Variants in TRIO observed in about 807,000 individuals in gnomAD.
TRIO encodes triple functional domain protein.
A neutral mutation model predicts 351.9 loss-of-function variants in TRIO; 58 were observed. The observed-to-expected ratio is 0.16, with a 90% CI of 0.13 to 0.21. The LOEUF (loss-of-function observed/expected upper bound fraction) is 0.21, where lower values mean the gene tolerates loss of function less well. TRIO is among the 10% of genes least tolerant of loss of function. The pLI, the probability that TRIO is intolerant of heterozygous loss-of-function variation, is 1.00. For synonymous variants in TRIO, 1,758 were observed against 1,595.7 expected (o/e 1.10, Z -2.42); for missense variants, 3,201 against 4,027.8 (o/e 0.79, Z 5.56).
chr5:14,406,052 G>A, intron 32 of TRIO, 62 bp downstream of exon 32: 1 of 1,561,684 alleles, frequency 6.4e-7, no homozygotes, highest in Non-Finnish European at 8.7e-7. Flanking sequence ...GGCGGTGTTA[G>A]CTCACCCTGC....
chr5:14,244,543 T>C (rs985236717), intron 1 of TRIO, among the ~76,000 whole-genome samples: 4 of 152,222 alleles, frequency 2.6e-5, no homozygotes, highest in African/African-American at 7.2e-5. Flanking sequence ...GTAGAATTGT[T>C]ATCTGTATGG....
chr5:14,168,916 G>A (rs1788936052), intron 1 of TRIO, among the ~76,000 whole-genome samples: 1 of 152,234 alleles, frequency 6.6e-6, no homozygotes. Context: ...GCGGCAGACC[G>A]TAGTCTTTGT....
At chr5:14,354,634 C>T (rs535002718) in intron 11 of TRIO, among the ~76,000 whole-genome samples, 105 of 152,364 alleles carry the variant, frequency 6.9e-4, no homozygotes, top group African/African-American at 2.5e-3. Flanking sequence ...TTTCTGAGGA[C>T]CTTTTTCAGA....
At chr5:14,208,928 TTTGTAAAACTGGATTGTGATG>T (rs1312103639) in intron 1 of TRIO, among the ~76,000 whole-genome samples, 2 of 152,380 alleles carry the variant, frequency 1.3e-5, no homozygotes, top group East Asian at 1.9e-4. Context: ...ATAAAGTTTG[TTTGTAAAACTGGATTGTGATG>T]TTGTAAAACT....
chr5:14,417,431 A>G (rs1352746202), intron 33 of TRIO, among the ~76,000 whole-genome samples: 5 of 152,248 alleles, frequency 3.3e-5, no homozygotes, highest in Non-Finnish European at 7.3e-5. Flanking sequence ...TCAACAGCAC[A>G]CAGCATGGCA....
At chr5:14,349,084 C>T (rs530615764) in intron 11 of TRIO, among the ~76,000 whole-genome samples, 2 of 145,190 alleles carry the variant, frequency 1.4e-5, no homozygotes, top group African/African-American at 2.6e-5. Flanking sequence ...TGCACATGAG[C>T]ATGTGTGTTT....
At chr5:14,391,950 T>C (rs897763722) in intron 27 of TRIO, among the ~76,000 whole-genome samples, 2 of 152,260 alleles carry the variant, frequency 1.3e-5, no homozygotes, top group South Asian at 2.1e-4. Flanking sequence ...AAGTGGCCTT[T>C]TCTTGTTAAT....
chr5:14,211,590 GTT>G (rs33992664), intron 1 of TRIO, among the ~76,000 whole-genome samples: 1 of 120,070 alleles, frequency 8.3e-6, no homozygotes, highest in African/African-American at 3.2e-5. Context: ...ACACTCAGTT[GTT>G]TTTTTTTTTT....
In TRIO at chr5:14,405,922, G is replaced by A. The variant is rs1233976313; in HGVS notation, c.4791G>A (p.Leu1597=). 1 of 1,613,772 alleles carries A rather than the reference G, an allele frequency of 6.2e-7. No individual in the cohort carries two copies. Among genetic ancestry groups the A allele is most frequent in the South Asian group, 1.1e-5 (1 of 91,014 alleles). Reference sequence around the variant, plus strand: ...TCATCCAGGAGCGGACGATCCACCTGAAGGGAGCCCTGAAGGAGCCCATTC... The same window carrying A: ...TCATCCAGGAGCGGACGATCCACCTAAAGGGAGCCCTGAAGGAGCCCATTC... ...REVIQERTIH[L]KGALKEPIHI... The change falls in exon 32 of 57, where the codon CTG becomes CTA. Residue 1597 remains leucine, a synonymous_variant. Coordinates refer to ENST00000344204, the MANE Select transcript of TRIO (RefSeq NM_007118.4).
chr5:14,153,472 C>A (rs1234029615), intron 1 of TRIO, among the ~76,000 whole-genome samples: 2 of 152,182 alleles, frequency 1.3e-5, no homozygotes, highest in Non-Finnish European at 2.9e-5. Flanking sequence ...TCTAAGAAAA[C>A]CTGGTAAAAT....
intron 11 of TRIO, among the ~76,000 whole-genome samples, chr5:14,352,363 C>T (rs1743214555): frequency 6.6e-6 from 1 of 152,216 alleles, no homozygotes; most frequent in Non-Finnish European, 1.5e-5. Flanking sequence ...TAGGACACAA[C>T]TCTCTTGCTG....
chr5:14,474,017 A>G lies in TRIO; in HGVS notation c.6003A>G (p.Glu2001=). The change falls in exon 40 of 57, where the codon GAA becomes GAG. Residue 2001 remains glutamate, a synonymous_variant. Coordinates refer to ENST00000344204, the MANE Select transcript of TRIO (RefSeq NM_007118.4). ...VVEGYMALMK[E]DGVPDDMKGK... Reference sequence around the variant, plus strand: ...AGGGCTACATGGCACTTATGAAAGAAGATGGTGTTCCTGATGACATGAAAG... The same window carrying G: ...AGGGCTACATGGCACTTATGAAAGAGGATGGTGTTCCTGATGACATGAAAG... 6.2e-7 allele frequency: 1 copy of G among 1,613,524 alleles called. No individual in the cohort carries two copies. The highest frequency in any genetic ancestry group is 8.5e-7 in the Non-Finnish European group (1 of 1,179,468).
chr5:14,352,227 C>T (rs1158723540), intron 11 of TRIO, among the ~76,000 whole-genome samples: 1 of 152,202 alleles, frequency 6.6e-6, no homozygotes, highest in Non-Finnish European at 1.5e-5. Context: ...ATCCCCTGGG[C>T]ACCTCTCAGC....
intron 1 of TRIO, among the ~76,000 whole-genome samples, chr5:14,161,729 A>G (rs1248984723): frequency 6.6e-6 from 1 of 152,160 alleles, no homozygotes; most frequent in East Asian, 1.9e-4. Context: ...AAAAAACTCT[A>G]CTTGTAGTTT....
intron 1 of TRIO, among the ~76,000 whole-genome samples, chr5:14,145,745 G>A (rs1279895613): frequency 6.6e-6 from 1 of 152,128 alleles, no homozygotes; most frequent in Admixed American, 6.5e-5. Context: ...ATTATGCATA[G>A]TACAAAAATC....
intron 1 of TRIO, among the ~76,000 whole-genome samples, chr5:14,165,416 G>A (rs758140710): frequency 2.6e-5 from 4 of 152,146 alleles, no homozygotes; most frequent in African/African-American, 9.7e-5. Flanking sequence ...AGTTCCATCC[G>A]TGTTCCTGCA....
At chr5:14,247,886 T>C (rs1794526208) in intron 1 of TRIO, among the ~76,000 whole-genome samples, 1 of 151,930 alleles carries the variant, frequency 6.6e-6, no homozygotes, top group African/African-American at 2.4e-5. Context: ...GCCAATATGG[T>C]GAAACCCCAT....
At chr5:14,213,586 G>A (rs1792043711) in intron 1 of TRIO, among the ~76,000 whole-genome samples, 2 of 152,120 alleles carry the variant, frequency 1.3e-5, no homozygotes, top group South Asian at 4.1e-4. Flanking sequence ...AGTGGGAAAA[G>A]TATTTCTATA....
chr5:14,417,101 A>G (rs373449433), intron 33 of TRIO, among the ~76,000 whole-genome samples: 28 of 152,294 alleles, frequency 1.8e-4, no homozygotes, highest in African/African-American at 6.3e-4. Context: ...TAACCACTCC[A>G]TGAGTGTGGT....
Sources: allele counts gnomAD v4.1 joint callset (sites outside exome capture counted in the v4.1 genomes callset), GRCh38; gene constraint gnomAD v4.1.1; transcripts MANE v1.5; gene names NCBI Gene and HGNC (gene_info 2026-07-23, HGNC 2026-07-21).